Variants in NPAS3 observed in about 807,000 individuals in gnomAD.
NPAS3 encodes the protein neuronal PAS domain-containing protein 3.
In NPAS3, 14 loss-of-function variants were observed where a neutral mutation model predicts 73.1. The ratio of observed to expected loss-of-function variants is 0.19; its 90% CI spans 0.13 to 0.30. The LOEUF is 0.30. Ranked by LOEUF, NPAS3 falls within the 10% of genes least tolerant of loss-of-function variation. The pLI is 1.00. For synonymous variants in NPAS3, 620 were observed against 541.5 expected, an observed-to-expected ratio of 1.14 and a Z score of -2.01; for missense variants, 1,096 against 1,250.0, an observed-to-expected ratio of 0.88 and a Z score of 1.86.
chr14:33,140,455 G>A (rs1279404824), intron 2 of NPAS3, among the ~76,000 whole-genome samples: 2 of 152,068 alleles, frequency 1.3e-5, no homozygotes, highest in Non-Finnish European at 2.9e-5. Context: ...GTGTAAGTGG[G>A]TTATCCTTTC....
intron 2 of NPAS3, among the ~76,000 whole-genome samples, chr14:33,163,908 A>G (rs1468014674): frequency 6.6e-6 from 1 of 152,190 alleles, no homozygotes; most frequent in African/African-American, 2.4e-5. Context: ...TGACAGTGTA[A>G]AGAAAAAAGT....
chr14:32,993,635 T>G (rs1397281545), intron 1 of NPAS3, among the ~76,000 whole-genome samples: 1 of 152,226 alleles, frequency 6.6e-6, no homozygotes, highest in East Asian at 1.9e-4. Flanking sequence ...TTCAAATAAC[T>G]AAGGGTTGTT....
intron 4 of NPAS3, among the ~76,000 whole-genome samples, chr14:33,482,080 C>T (rs1324624055): frequency 6.7e-6 from 1 of 148,532 alleles, no homozygotes; most frequent in Admixed American, 6.7e-5. Flanking sequence ...TTAAGATACC[C>T]GTGCAACCTC....
chr14:33,184,242 G>A (rs1209081608), intron 2 of NPAS3, among the ~76,000 whole-genome samples: 1 of 152,148 alleles, frequency 6.6e-6, no homozygotes, highest in Non-Finnish European at 1.5e-5. Flanking sequence ...ACTGCTAAGG[G>A]GAGATTTTAA....
rs544475890 is a variant in NPAS3 at position 33,480,368 on chromosome 14, A to G, written c.469-79753A>G. Among the ~76,000 whole-genome samples, 43 of 152,332 alleles carry G rather than the reference A, an allele frequency of 2.8e-4. 1 individual carries two copies. Among genetic ancestry groups the G allele is most frequent in the Admixed American group, 2.6e-3 (40 of 15,286 alleles). On this transcript the variant is annotated intron_variant, in intron 4 of 11. Transcript: ENST00000356141. ...GAGGATTCAGTCATGCGCTGCTATC[A>G]TGGCCTTTAGGCAATCTTCCATAAG...
At chr14:33,769,089 C>G (rs1455500996) in intron 7 of NPAS3, among the ~76,000 whole-genome samples, 2 of 152,054 alleles carry the variant, frequency 1.3e-5, no homozygotes, top group Non-Finnish European at 2.9e-5. Context: ...TAGAGAATAA[C>G]AAAAAACAAA....
intron 4 of NPAS3, among the ~76,000 whole-genome samples, chr14:33,499,358 T>G (rs1293711339): frequency 6.6e-6 from 1 of 151,822 alleles, no homozygotes; most frequent in Non-Finnish European, 1.5e-5. Context: ...GAGGATAAAT[T>G]TCAAGATTTA....
chr14:33,777,409 T>A (rs555328068), intron 8 of NPAS3, among the ~76,000 whole-genome samples: 1 of 152,170 alleles, frequency 6.6e-6, no homozygotes, highest in South Asian at 2.1e-4. Context: ...GGTAATATAT[T>A]TTAATTATGT....
chr14:33,623,520 G>GTTT (rs1360613595), intron 5 of NPAS3, among the ~76,000 whole-genome samples: 1 of 152,324 alleles, frequency 6.6e-6, no homozygotes, highest in Non-Finnish European at 1.5e-5. Flanking sequence ...GTGTTTGCGT[G>GTTT]TCTACTGCAG....
At chr14:33,092,180 T>C (rs1228917755) in intron 2 of NPAS3, among the ~76,000 whole-genome samples, 11 of 152,288 alleles carry the variant, frequency 7.2e-5, no homozygotes, top group Non-Finnish European at 1.6e-4. Context: ...GAAGTCAAAT[T>C]GTCCCTGTTT....
intron 5 of NPAS3, among the ~76,000 whole-genome samples, chr14:33,580,650 G>A (rs376945681): frequency 1.3e-5 from 2 of 152,158 alleles, no homozygotes; most frequent in Middle Eastern, 3.4e-3. Context: ...TAATCTTTAC[G>A]ACTATAAAAC....
At chr14:33,374,580 C>T (rs1282432927) in intron 4 of NPAS3, among the ~76,000 whole-genome samples, 3 of 151,800 alleles carry the variant, frequency 2.0e-5, no homozygotes, top group African/African-American at 2.4e-5. Flanking sequence ...TTGCTAGCTA[C>T]AGCATCTCTG....
At chr14:33,478,254 T>G (rs1322224065) in intron 4 of NPAS3, among the ~76,000 whole-genome samples, 1 of 152,182 alleles carries the variant, frequency 6.6e-6, no homozygotes, top group Non-Finnish European at 1.5e-5. Context: ...TAATACTTCA[T>G]GCCAAATGTG....
chr14:32,958,060 C>G (rs555179756), intron 1 of NPAS3, among the ~76,000 whole-genome samples: 2 of 152,300 alleles, frequency 1.3e-5, no homozygotes, highest in South Asian at 4.1e-4. Flanking sequence ...ACTCACCCAG[C>G]ATTTCCTTAA....
At chr14:33,712,318 A>G (rs2060841091) in intron 6 of NPAS3, among the ~76,000 whole-genome samples, 1 of 152,196 alleles carries the variant, frequency 6.6e-6, no homozygotes, top group African/African-American at 2.4e-5. Context: ...TTTAGATGTA[A>G]CTGATCTGTA....
chr14:33,599,198 G>A (rs1453246481), intron 5 of NPAS3, among the ~76,000 whole-genome samples: 1 of 152,104 alleles, frequency 6.6e-6, no homozygotes, highest in Non-Finnish European at 1.5e-5. Context: ...TCCCCAACCT[G>A]TAAGAAGTTG....
At chr14:33,138,398 A>G (rs111795857) in intron 2 of NPAS3, among the ~76,000 whole-genome samples, 4 of 152,308 alleles carry the variant, frequency 2.6e-5, no homozygotes, top group African/African-American at 9.6e-5. Flanking sequence ...TATTACTTGA[A>G]TACATATAAA....
At chr14:33,277,799 G>A (rs1050610593) in intron 3 of NPAS3, among the ~76,000 whole-genome samples, 2 of 152,118 alleles carry the variant, frequency 1.3e-5, no homozygotes, top group Non-Finnish European at 2.9e-5. Context: ...GGACCAGACA[G>A]AGGCTTTGGA....
chr14:33,281,457 C>G (rs759553895), intron 3 of NPAS3, among the ~76,000 whole-genome samples: 2 of 152,074 alleles, frequency 1.3e-5, no homozygotes, highest in Non-Finnish European at 2.9e-5. Context: ...ATGGCAAAAA[C>G]TCGGTCTCTA....
Sources: allele counts gnomAD v4.1 joint callset (sites outside exome capture counted in the v4.1 genomes callset), GRCh38; gene constraint gnomAD v4.1.1; transcripts MANE v1.5; gene names NCBI Gene and HGNC (gene_info 2026-07-23, HGNC 2026-07-21).